ARHGEF7: variants seen among roughly 807,000 people sequenced by gnomAD.
ARHGEF7 encodes PAK-interacting exchange factor beta.
In ARHGEF7, 33 loss-of-function variants were observed where a neutral mutation model predicts 109.8. The ratio of observed to expected loss-of-function variants is 0.30; its 90% CI spans 0.23 to 0.40. ARHGEF7 has a LOEUF of 0.40. Among genes scored for constraint, ARHGEF7 ranks in the 10% least tolerant of loss-of-function variants. The pLI, the probability that ARHGEF7 is intolerant of heterozygous loss-of-function variation, is 1.00. For synonymous variants in ARHGEF7, 458 were observed against 424.6 expected, an observed-to-expected ratio of 1.08 and a Z score of -0.97; for missense variants, 938 against 1,098.5, an observed-to-expected ratio of 0.85 and a Z score of 2.07.
chr13:111,146,507 T>C (rs1308695479), intron 1 of ARHGEF7, among the ~76,000 whole-genome samples: 2 of 152,238 alleles, frequency 1.3e-5, no homozygotes, highest in Admixed American at 1.3e-4. Context: ...TGGGCTGTAC[T>C]TCAGATCTAT....
chr13:111,140,867 C>T (rs2075313130), intron 1 of ARHGEF7, among the ~76,000 whole-genome samples: 1 of 152,008 alleles, frequency 6.6e-6, no homozygotes, highest in Admixed American at 6.6e-5. Flanking sequence ...TTTATAGAGA[C>T]AGGGTCTTGC....
Position 111,239,251 on chromosome 13 carries a change from G to A in ARHGEF7, c.760-4621G>A, listed in dbSNP as rs974159787. Among the ~76,000 whole-genome samples, 13 of 152,176 alleles carry A rather than the reference G, an allele frequency of 8.5e-5. No homozygotes were observed. The highest frequency in any genetic ancestry group is 3.1e-4 in the African/African-American group (13 of 41,432). ...AGAGCCAAACCATATCACTTTCCCT[G>A]TTATTTAGAGCATTATTATAATACT... On this transcript the variant is annotated intron_variant, in intron 6 of 21. Transcript: ENST00000646102. This position sits in a 1 kb window ranked among gnomAD's most constrained non-coding sequence, Gnocchi z 4.3.
At chr13:111,302,756 A>C (rs879302210) in intron 21 of ARHGEF7, among the ~76,000 whole-genome samples, 1 of 152,200 alleles carries the variant, frequency 6.6e-6, no homozygotes, top group Non-Finnish European at 1.5e-5. Flanking sequence ...CATGGACTTA[A>C]TAAGAGCCAT....
Position 111,240,472 on chromosome 13 carries a change from C to T in ARHGEF7, c.760-3400C>T, listed in dbSNP as rs1341722267. Among the ~76,000 whole-genome samples the T allele has an allele frequency of 2.6e-5, 4 of 152,300 alleles. No individual in the cohort carries two copies. The South Asian group carries it at 6.2e-4, about 24-fold the overall frequency. On this transcript the variant is annotated intron_variant, in intron 6 of 21. Coordinates refer to ENST00000646102, the MANE Select transcript of ARHGEF7 (RefSeq NM_001354046.2). ...CGTGTGGTCGGGGAGCCACTGACTG[C>T]CTCATGTCATTGTGACCCGTAGAGG...
chr13:111,254,299 T>G (rs2090149396), intron 8 of ARHGEF7, among the ~76,000 whole-genome samples: 1 of 152,282 alleles, frequency 6.6e-6, no homozygotes, highest in Admixed American at 6.5e-5. Context: ...TCAGTTTCTA[T>G]TCTGGTGACA....
intron 16 of ARHGEF7, among the ~76,000 whole-genome samples, chr13:111,284,236 CTG>C (rs2153613024): frequency 6.6e-6 from 1 of 152,280 alleles, no homozygotes; most frequent in South Asian, 2.1e-4. Context: ...CATTGTGCCT[CTG>C]TGTCTGGTCA....
In ARHGEF7 at chr13:111,283,318, G is replaced by T. The variant is rs192452562; in HGVS notation, c.1905G>T (p.Arg635=). Residue 635 remains arginine, a synonymous_variant, in exon 16 of 22, where the codon CGG becomes CGT. Transcript: ENST00000646102. ...AGCCCTGGAGCCTGAGCTGCCTGCG[G>T]CCCGCGCCTCCCCTCCGGCCCTCAG... The part of the protein sequence containing the change: ...TPKPWSLSCL[R]PAPPLRPSAA... 3.8e-6 allele frequency: 6 copies of T among 1,564,082 alleles called. No individual in the cohort carries two copies. Among genetic ancestry groups the T allele is most frequent in the South Asian group, 1.2e-5 (1 of 85,824 alleles).
intron 1 of ARHGEF7, among the ~76,000 whole-genome samples, chr13:111,146,819 T>C (rs1354533875): frequency 1.3e-5 from 2 of 152,196 alleles, no homozygotes; most frequent in African/African-American, 4.8e-5. Flanking sequence ...TGTGGATGCT[T>C]CTGAAGTCTG....
chr13:111,177,206 A>G (rs1384279386), intron 2 of ARHGEF7, among the ~76,000 whole-genome samples: 1 of 152,230 alleles, frequency 6.6e-6, no homozygotes, highest in Non-Finnish European at 1.5e-5. Context: ...AGGCCTGGGA[A>G]CTGGGCCAGG....
intron 19 of ARHGEF7, among the ~76,000 whole-genome samples, chr13:111,295,559 A>G (rs1213623845): frequency 2.0e-5 from 3 of 152,222 alleles, no homozygotes; most frequent in African/African-American, 7.2e-5. Flanking sequence ...TTTGTTTTAT[A>G]AAGTGCTTAT....
Position 111,305,697 on chromosome 13 carries a change from G to C in ARHGEF7, c.*2584G>C, listed in dbSNP as rs1487068399. On this transcript the variant is annotated 3_prime_UTR_variant, in exon 22 of 22. Transcript: ENST00000646102. ...ACTACTACAATGTTGATGCTACACT[G>C]TTGTAATTATTAAACTGATTATTTT... 6.6e-6 allele frequency: 1 copy of C among 152,228 alleles called. No individual in the cohort carries two copies. The highest frequency in any genetic ancestry group is 1.9e-4 in the East Asian group (1 of 5,200). The allele number at this position is 152,228 out of a possible 1,614,324, so 9.4% of individuals were successfully genotyped here.
At chr13:111,118,312 C>A (rs779488169) in intron 1 of ARHGEF7, among the ~76,000 whole-genome samples, 3 of 152,250 alleles carry the variant, frequency 2.0e-5, no homozygotes, top group Non-Finnish European at 2.9e-5. Context: ...GATTCTTCTG[C>A]TCATTTAAAG....
intron 2 of ARHGEF7, among the ~76,000 whole-genome samples, chr13:111,166,521 T>TG (rs1443815821): frequency 6.6e-6 from 1 of 152,210 alleles, no homozygotes; most frequent in East Asian, 1.9e-4. Flanking sequence ...TCCCAGGTGA[T>TG]GGTGGCTGGA....
chr13:111,298,531 T>C (rs1430928060), intron 19 of ARHGEF7, among the ~76,000 whole-genome samples: 1 of 152,072 alleles, frequency 6.6e-6, no homozygotes, highest in Non-Finnish European at 1.5e-5. Flanking sequence ...GTGTCAGGAG[T>C]CCTTGCAGCC....
intron 5 of ARHGEF7, among the ~76,000 whole-genome samples, chr13:111,226,721 T>C (rs2085261518): frequency 6.6e-6 from 1 of 152,234 alleles, no homozygotes; most frequent in Admixed American, 6.5e-5. Flanking sequence ...GCATCCATAC[T>C]GCAGCTCATG....
chr13:111,165,229 C>T (rs1007103034), intron 2 of ARHGEF7, among the ~76,000 whole-genome samples: 2 of 152,200 alleles, frequency 1.3e-5, no homozygotes, highest in Non-Finnish European at 1.5e-5. Context: ...CAGCTACTTT[C>T]TAGATGAGCT....
intron 6 of ARHGEF7, among the ~76,000 whole-genome samples, chr13:111,234,070 C>T (rs753444882): frequency 6.6e-6 from 1 of 152,058 alleles, no homozygotes. Flanking sequence ...GGGGAAAATG[C>T]GCATTTGTTT....
intron 2 of ARHGEF7, chr13:111,159,121 G>A (rs1453487357): frequency 1.4e-6 from 1 of 716,750 alleles, no homozygotes; most frequent in East Asian, 2.7e-5. Flanking sequence ...TTTACATATA[G>A]GTGAGATCGT....
Position 111,292,314 on chromosome 13 carries a change from T to C in ARHGEF7, c.2311+20T>C, listed in dbSNP as rs1455790913. On this transcript the variant is annotated intron_variant, in intron 19 of 21. Transcript: ENST00000646102. ...CATCTCGTAAGAGCTGTTGCTCATA[T>C]ATCTCTCACCAGAACTAATGCACTT... 2.5e-6 allele frequency: 4 copies of C among 1,614,074 alleles called. No homozygotes were observed. The highest frequency in any genetic ancestry group is 3.4e-6 in the Non-Finnish European group (4 of 1,180,014).
Sources: gnomAD v4.1 joint callset for allele counts (sites outside exome capture counted in the v4.1 genomes callset) on GRCh38, gnomAD v4.1.1 for gene constraint, Gnocchi (gnomAD v3.1) non-coding constraint, MANE v1.5 for transcripts, NCBI Gene and HGNC (gene_info 2026-07-23, HGNC 2026-07-21) for gene names.